SPIDR: variants seen among roughly 807,000 people sequenced by gnomAD.
SPIDR encodes DNA repair-scaffolding protein.
Under a neutral mutation model 104.6 loss-of-function variants are expected in SPIDR, and 93 were observed. The ratio of observed to expected loss-of-function variants is 0.89; its 90% CI spans 0.75 to 1.06. The LOEUF (loss-of-function observed/expected upper bound fraction) is 1.06. Among genes scored for constraint, SPIDR ranks in the 50% least tolerant of loss-of-function variants. SPIDR has a pLI of 0.00. For missense variants in SPIDR, 1,154 were observed against 1,111.2 expected (o/e 1.04, Z -0.55); for synonymous variants, 431 against 416.9 (o/e 1.03, Z -0.41).
intron 8 of SPIDR, among the ~76,000 whole-genome samples, chr8:47,486,370 C>T (rs572373435): frequency 3.5e-4 from 53 of 152,280 alleles, no homozygotes; most frequent in African/African-American, 1.1e-3. Flanking sequence ...ACCAAATCTA[C>T]GTCTGATTGG....
At chr8:47,311,968 T>C (rs1189403976) in intron 5 of SPIDR, among the ~76,000 whole-genome samples, 3 of 151,838 alleles carry the variant, frequency 2.0e-5, no homozygotes, top group African/African-American at 7.3e-5. Context: ...GAACATGCGG[T>C]GTTTGGTTTT....
At chr8:47,414,558 T>C (rs541565074) in intron 7 of SPIDR, among the ~76,000 whole-genome samples, 1 of 152,340 alleles carries the variant, frequency 6.6e-6, no homozygotes, top group Admixed American at 6.5e-5. Flanking sequence ...GATCTTTCTT[T>C]CCACGTGTCT....
At chr8:47,434,070 G>A (rs2067839384) in intron 7 of SPIDR, among the ~76,000 whole-genome samples, 1 of 152,104 alleles carries the variant, frequency 6.6e-6, no homozygotes, top group South Asian at 2.1e-4. Context: ...TATTTTTGGG[G>A]GAAAGCTATA....
In SPIDR at chr8:47,735,881, T is replaced by C. The variant is rs1183272880; in HGVS notation, c.*431T>C. The C allele has an allele frequency of 6.9e-6, 2 of 287,896 alleles. No individual in the cohort carries two copies. The highest frequency in any genetic ancestry group is 1.9e-4 in the East Asian group (2 of 10,488). 17.8% of individuals were successfully genotyped at this position (287,896 alleles called of 1,614,324 possible). A position where few individuals can be genotyped will look rare whatever the true frequency, so the allele number is the denominator to read the frequency against. ...TAAACCTTTGTCCCATACTGTGATATTACTGTTCTGCTACAATAAATGTCA... is the reference window on the plus strand; with the variant it reads ...TAAACCTTTGTCCCATACTGTGATACTACTGTTCTGCTACAATAAATGTCA... On this transcript the variant is annotated 3_prime_UTR_variant, in exon 20 of 20. Coordinates refer to ENST00000297423, the MANE Select transcript of SPIDR (RefSeq NM_001080394.4).
At chr8:47,442,447 G>A (rs2069622482) in intron 8 of SPIDR, among the ~76,000 whole-genome samples, 1 of 152,148 alleles carries the variant, frequency 6.6e-6, no homozygotes, top group Non-Finnish European at 1.5e-5. Flanking sequence ...AGGTTTTTTA[G>A]GGTAGGTTAA....
intron 10 of SPIDR, among the ~76,000 whole-genome samples, chr8:47,647,633 A>AGAGAGAGAGAGG: frequency 1.4e-5 from 2 of 146,528 alleles, no homozygotes; most frequent in Non-Finnish European, 3.0e-5. Flanking sequence ...AGAGAGAGAG[A>AGAGAGAGAGAGG]GAGAGAGAGA....
At chr8:47,666,025 G>A (rs2074874619) in intron 10 of SPIDR, among the ~76,000 whole-genome samples, 1 of 152,076 alleles carries the variant, frequency 6.6e-6, no homozygotes, top group Non-Finnish European at 1.5e-5. Flanking sequence ...GGTTTCCCTA[G>A]TCACTTTAAA....
intron 8 of SPIDR, among the ~76,000 whole-genome samples, chr8:47,553,752 T>G (rs1398845219): frequency 6.6e-6 from 1 of 152,232 alleles, no homozygotes; most frequent in Admixed American, 6.5e-5. Context: ...TCTCTCAGTT[T>G]GTCAAAGTCA....
At chr8:47,412,443 G>T (rs899827745) in intron 7 of SPIDR, among the ~76,000 whole-genome samples, 2 of 152,182 alleles carry the variant, frequency 1.3e-5, no homozygotes, top group African/African-American at 4.8e-5. Flanking sequence ...GTCATTCTCT[G>T]TGTGGTAACT....
intron 10 of SPIDR, among the ~76,000 whole-genome samples, chr8:47,642,925 A>G (rs763156690): frequency 6.6e-6 from 1 of 152,236 alleles, no homozygotes. Flanking sequence ...GGGATTTGAT[A>G]GAAGGCAGGA....
chr8:47,536,907 G>A (rs1358200089), intron 8 of SPIDR, among the ~76,000 whole-genome samples: 1 of 152,138 alleles, frequency 6.6e-6, no homozygotes, highest in Non-Finnish European at 1.5e-5. Flanking sequence ...ATTAATAAAA[G>A]CTCTGAACAG....
At chr8:47,526,184 G>T (rs1328771777) in intron 8 of SPIDR, among the ~76,000 whole-genome samples, 1 of 152,178 alleles carries the variant, frequency 6.6e-6, no homozygotes, top group Admixed American at 6.5e-5. Flanking sequence ...AGTGCATCCA[G>T]TACTGAAATA....
At chr8:47,585,733 A>G (rs1471801067) in intron 8 of SPIDR, among the ~76,000 whole-genome samples, 1 of 152,160 alleles carries the variant, frequency 6.6e-6, no homozygotes, top group African/African-American at 2.4e-5. Flanking sequence ...AGATGGCACC[A>G]CCATTACATG....
chr8:47,610,472 C>T (rs1388691314), intron 10 of SPIDR, among the ~76,000 whole-genome samples: 1 of 152,216 alleles, frequency 6.6e-6, no homozygotes, highest in Non-Finnish European at 1.5e-5. Context: ...TGACTTCCTC[C>T]TCTAGCTGAG....
chr8:47,645,749 G>A (rs1456886310), intron 10 of SPIDR, among the ~76,000 whole-genome samples: 1 of 151,914 alleles, frequency 6.6e-6, no homozygotes, highest in Non-Finnish European at 1.5e-5. Context: ...AAATCAATAG[G>A]GAAAGATGAA....
chr8:47,418,790 C>G (rs781933263), intron 7 of SPIDR, among the ~76,000 whole-genome samples: 9 of 152,162 alleles, frequency 5.9e-5, no homozygotes, highest in Non-Finnish European at 8.8e-5. Flanking sequence ...TGAGATACGT[C>G]CCATCAATAC....
intron 8 of SPIDR, among the ~76,000 whole-genome samples, chr8:47,490,267 T>C (rs1400525854): frequency 2.0e-5 from 3 of 152,160 alleles, no homozygotes; most frequent in African/African-American, 7.2e-5. Flanking sequence ...TCACTGGCCA[T>C]CAGAGAAATG....
intron 1 of SPIDR, among the ~76,000 whole-genome samples, chr8:47,266,401 G>T (rs1233167209): frequency 6.6e-6 from 1 of 152,012 alleles, no homozygotes; most frequent in Non-Finnish European, 1.5e-5. Context: ...CTCTCAAAGT[G>T]TTAGGATTAC....
At chr8:47,442,526 C>T (rs1183216887) in intron 8 of SPIDR, among the ~76,000 whole-genome samples, 2 of 152,170 alleles carry the variant, frequency 1.3e-5, no homozygotes, top group Non-Finnish European at 2.9e-5. Context: ...GCTCCCCTCT[C>T]CGTGTTCATG....
Sources: gnomAD v4.1 joint callset for allele counts (sites outside exome capture counted in the v4.1 genomes callset) on GRCh38, gnomAD v4.1.1 for gene constraint, MANE v1.5 for transcripts, NCBI Gene and HGNC (gene_info 2026-07-23, HGNC 2026-07-21) for gene names.